The following PKIB variants were observed in gnomAD, a reference collection of about 807,000 sequenced individuals.
PKIB encodes PKI-beta.
Under a neutral mutation model 4.5 loss-of-function variants are expected in PKIB, and 2 were observed. The ratio of observed to expected loss-of-function variants is 0.44; its 90% CI spans 0.18 to 1.39. PKIB has a LOEUF of 1.39. Ranked by LOEUF, PKIB falls within the 40% of genes most tolerant of loss-of-function variation. The probability of loss-of-function intolerance (pLI) is 0.27; values close to 1 mark genes in which losing one functional copy is unlikely to be tolerated. For synonymous variants in PKIB, 38 were observed against 36.0 expected, an observed-to-expected ratio of 1.06 and a Z score of -0.20; for missense variants, 94 against 92.6, an observed-to-expected ratio of 1.02 and a Z score of -0.06.
intron 2 of PKIB, among the ~76,000 whole-genome samples, chr6:122,529,576 G>GGCACCTGTTA (rs1339728435): frequency 6.6e-6 from 1 of 152,070 alleles, no homozygotes; most frequent in African/African-American, 2.4e-5. Context: ...CAACTTGAAG[G>GGCACCTGTTA]GCACCTGTTA....
At chr6:122,514,622 G>A (rs1231262684) in intron 2 of PKIB, among the ~76,000 whole-genome samples, 3 of 152,106 alleles carry the variant, frequency 2.0e-5, no homozygotes, top group East Asian at 1.9e-4. Flanking sequence ...ATAGCTTCAG[G>A]GCCTTGACCA....
At chr6:122,518,026 G>A (rs1312298284) in intron 2 of PKIB, among the ~76,000 whole-genome samples, 2 of 152,178 alleles carry the variant, frequency 1.3e-5, no homozygotes, top group Admixed American at 1.3e-4. Flanking sequence ...TTAAATGAGT[G>A]CTGGCAGTGA....
chr6:122,580,098 C>T (rs972657847), intron 2 of PKIB, among the ~76,000 whole-genome samples: 5 of 151,836 alleles, frequency 3.3e-5, no homozygotes, highest in Admixed American at 2.6e-4. Flanking sequence ...TATATTTGAC[C>T]TGTGTTGCTA....
At chr6:122,702,326 CTTTTT>C (rs112095053) in intron 3 of PKIB, among the ~76,000 whole-genome samples, 3 of 97,264 alleles carry the variant, frequency 3.1e-5, no homozygotes, top group African/African-American at 4.2e-5. Flanking sequence ...TTTAAAAAAA[CTTTTT>C]TTTTTTTTTT....
chr6:122,518,516 T>G (rs1015865807), intron 2 of PKIB, among the ~76,000 whole-genome samples: 2 of 151,984 alleles, frequency 1.3e-5, no homozygotes, highest in African/African-American at 2.4e-5. Flanking sequence ...TGTCAGGACC[T>G]CTCTGGAGAG....
At chr6:122,515,348 A>G (rs1776715329) in intron 2 of PKIB, among the ~76,000 whole-genome samples, 1 of 152,222 alleles carries the variant, frequency 6.6e-6, no homozygotes, top group African/African-American at 2.4e-5. Flanking sequence ...AGAATGAAAC[A>G]TTTTAAATGA....
intron 2 of PKIB, among the ~76,000 whole-genome samples, chr6:122,495,282 C>G (rs192438755): frequency 6.6e-6 from 1 of 152,168 alleles, no homozygotes; most frequent in Admixed American, 6.5e-5. Context: ...ACAGTCTTTA[C>G]TGCTGCAGCT....
chr6:122,538,672 G>T (rs1437673654), intron 2 of PKIB, among the ~76,000 whole-genome samples: 9 of 151,926 alleles, frequency 5.9e-5, no homozygotes, highest in African/African-American at 2.2e-4. Flanking sequence ...GCTCTTTTTT[G>T]GTTCCATATG....
chr6:122,608,504 C>T (rs550633148), upstream of PKIB, among the ~76,000 whole-genome samples: 114 of 152,358 alleles, frequency 7.5e-4, no homozygotes, highest in African/African-American at 2.6e-3. Context: ...GCATCTTCTC[C>T]TTACTTTCCT....
chr6:122,637,391 A>G (rs182504717), intron 2 of PKIB, among the ~76,000 whole-genome samples: 1 of 152,142 alleles, frequency 6.6e-6, no homozygotes, highest in African/African-American at 2.4e-5. Context: ...CTAATTTGCT[A>G]TTTTATCTCC....
intron 4 of PKIB, among the ~76,000 whole-genome samples, chr6:122,719,413 G>A (rs544130369): frequency 6.6e-6 from 1 of 152,264 alleles, no homozygotes; most frequent in East Asian, 1.9e-4. Flanking sequence ...AACACCAGAT[G>A]CTAAAGATTA....
At chr6:122,591,794 C>T (rs1363036616) in intron 3 of PKIB, among the ~76,000 whole-genome samples, 1 of 151,950 alleles carries the variant, frequency 6.6e-6, no homozygotes, top group East Asian at 1.9e-4. Flanking sequence ...TCACTGCAGC[C>T]TCAACTTGCT....
intron 3 of PKIB, among the ~76,000 whole-genome samples, chr6:122,695,421 A>G (rs576926051): frequency 7.9e-5 from 9 of 113,530 alleles, no homozygotes; most frequent in African/African-American, 2.6e-4. Flanking sequence ...AGGTATAGAG[A>G]ACAAAAAATA....
intron 2 of PKIB, among the ~76,000 whole-genome samples, chr6:122,572,747 A>G (rs1243856593): frequency 6.6e-6 from 1 of 152,140 alleles, no homozygotes; most frequent in Non-Finnish European, 1.5e-5. Flanking sequence ...AGAAAAGAAG[A>G]GAGAACATTC....
chr6:122,694,463 T>C (rs929177241), intron 3 of PKIB, among the ~76,000 whole-genome samples: 1 of 152,122 alleles, frequency 6.6e-6, no homozygotes, highest in Non-Finnish European at 1.5e-5. Context: ...CGTTAAGATT[T>C]GTAAAAAAAT....
intron 2 of PKIB, among the ~76,000 whole-genome samples, chr6:122,527,021 C>T (rs1011946776): frequency 3.3e-5 from 5 of 152,132 alleles, no homozygotes; most frequent in Non-Finnish European, 7.4e-5. Flanking sequence ...AAAGTAATTG[C>T]TGCTCCATCT....
chr6:122,532,411 T>A (rs915992012), intron 2 of PKIB, among the ~76,000 whole-genome samples: 10 of 152,184 alleles, frequency 6.6e-5, no homozygotes, highest in Admixed American at 5.9e-4. Context: ...TTTTTAAACT[T>A]TTTTTTAAGC....
intron 2 of PKIB, among the ~76,000 whole-genome samples, chr6:122,655,685 G>A (rs1030528416): frequency 1.3e-5 from 2 of 152,082 alleles, no homozygotes; most frequent in African/African-American, 4.8e-5. Flanking sequence ...ATAAATAAAA[G>A]TACACATATA....
At chr6:122,696,892 G>T (rs979683141) in intron 3 of PKIB, among the ~76,000 whole-genome samples, 8 of 152,184 alleles carry the variant, frequency 5.3e-5, no homozygotes, top group Admixed American at 5.2e-4. Context: ...ATGAGAGAAA[G>T]GAACATGCTA....
Sources: allele counts gnomAD v4.1 joint callset (sites outside exome capture counted in the v4.1 genomes callset), GRCh38; gene constraint gnomAD v4.1.1; transcripts MANE v1.5; gene names NCBI Gene and HGNC (gene_info 2026-07-23, HGNC 2026-07-21).